Variants in ARHGAP29 observed in about 807,000 individuals in gnomAD.
ARHGAP29 encodes Rho GTPase activating protein 29, also known as rho GTPase-activating protein 29.
ARHGAP29 carries 43 observed loss-of-function variants against 122.6 expected under a neutral mutation model. The ratio of observed to expected loss-of-function variants is 0.35; its 90% CI spans 0.27 to 0.45. The LOEUF is 0.45. ARHGAP29 is among the 20% of genes least tolerant of loss of function. The pLI, the probability that ARHGAP29 is intolerant of heterozygous loss-of-function variation, is 1.00. For missense variants in ARHGAP29, 1,303 were observed against 1,477.2 expected, an observed-to-expected ratio of 0.88 and a Z score of 1.93; for synonymous variants, 506 against 497.1, an observed-to-expected ratio of 1.02 and a Z score of -0.24.
the ARHGAP29 span, among the ~76,000 whole-genome samples, chr1:94,305,170 T>C: frequency 6.6e-5 from 10 of 152,186 alleles, no homozygotes; most frequent in Non-Finnish European, 8.8e-5. Context: ...GTCCCTCACC[T>C]CCAGCCCCTG....
At chr1:94,243,515 T>C (rs1653682999) in intron 1 of ARHGAP29, among the ~76,000 whole-genome samples, 1 of 151,978 alleles carries the variant, frequency 6.6e-6, no homozygotes, top group South Asian at 2.1e-4. Context: ...TGAAAACCCA[T>C]TTCAAAATGT....
In ARHGAP29 at chr1:94,205,149, G is replaced by A; in HGVS notation, c.609C>T (p.Asp203=). Residue 203 remains aspartate (D), a synonymous_variant, in exon 7 of 23, where the codon GAC becomes GAT. Coordinates refer to ENST00000260526, the MANE Select transcript of ARHGAP29 (RefSeq NM_004815.4). The stretch of plus-strand genomic sequence containing the variant: ...CATATGACAAAGCCAGCTCGATAGA[G>A]TCAGTGTTCTTTAACAGCACGTTGT... ...ELDNVLLKNT[D]SIELALSYAK... is the part of the protein sequence containing the mutation. The A allele has an allele frequency of 1.2e-6, 2 of 1,608,062 alleles. No individual in the cohort carries two copies. Among genetic ancestry groups the A allele is most frequent in the South Asian group, 1.1e-5 (1 of 89,688 alleles).
chr1:94,281,098 A>G, the ARHGAP29 span, among the ~76,000 whole-genome samples: 1 of 152,226 alleles, frequency 6.6e-6, no homozygotes, highest in African/African-American at 2.4e-5. Flanking sequence ...TATTAGATAT[A>G]GAAATGGTCA....
At position 94,177,630 on chromosome 1, in the gene ARHGAP29, A is replaced by G. The variant is rs775205311; in HGVS notation, c.2887T>C (p.Cys963Arg). The part of the protein sequence containing the change: ...SERKQNALGK[C>R]DACLSDKAQL... ...TACTCACCACTGAGACATGCATCAC[A>G]TTTTCCTAACGCATTTTGCTTGCGT... is the stretch of plus-strand genomic sequence containing the variant. Residue 963 changes from cysteine (C) to arginine (R), a missense_variant, in exon 22 of 23, where the codon TGT (cysteine) becomes CGT (arginine). By Grantham distance (180) the Cys-to-Arg change is radical. This residue lies in a region of ARHGAP29 where 620 missense variants were observed against 651.2 expected (regional missense o/e 0.95). Transcript: ENST00000260526. 4.2e-5 allele frequency: 67 copies of G among 1,611,182 alleles called. No individual in the cohort carries two copies. Among genetic ancestry groups the G allele is most frequent in the Non-Finnish European group, 5.3e-5 (63 of 1,179,118 alleles).
chr1:94,263,045 A>C (rs1617680), intron 1 of ARHGAP29, among the ~76,000 whole-genome samples: 151,848 of 152,288 alleles, frequency 1, 75,709 homozygotes, highest in Middle Eastern at 1. Flanking sequence ...ACATATATAC[A>C]AGGAATATTA....
intron 12 of ARHGAP29, 129 bp from the exon 13 acceptor site, chr1:94,190,212 T>A: frequency 1.1e-6 from 1 of 915,304 alleles, no homozygotes; most frequent in East Asian, 2.7e-5. Context: ...AATATCACTC[T>A]GAACATACTA....
At chr1:94,218,207 T>A (rs1394693811) in intron 3 of ARHGAP29, among the ~76,000 whole-genome samples, 2 of 152,054 alleles carry the variant, frequency 1.3e-5, no homozygotes, top group African/African-American at 4.8e-5. Context: ...TTATAAACCA[T>A]ATAAACTTAA....
intron 12 of ARHGAP29, chr1:94,194,109 TAA>T (rs947437013): frequency 6.6e-6 from 1 of 152,206 alleles, no homozygotes; most frequent in Admixed American, 6.5e-5. Flanking sequence ...TAAATATAGA[TAA>T]GTGTGCAACC....
the ARHGAP29 span, among the ~76,000 whole-genome samples, chr1:94,304,947 T>C: frequency 3.3e-5 from 5 of 152,232 alleles, no homozygotes; most frequent in African/African-American, 1.2e-4. Context: ...GGTAGATGTC[T>C]CTTGCTGATT....
chr1:94,293,315 C>G, the ARHGAP29 span, among the ~76,000 whole-genome samples: 1 of 152,200 alleles, frequency 6.6e-6, no homozygotes, highest in Non-Finnish European at 1.5e-5. Flanking sequence ...CCTGGTCTGC[C>G]GGTTGCAAAG....
intron 1 of ARHGAP29, among the ~76,000 whole-genome samples, chr1:94,254,034 A>G (rs1654225024): frequency 6.6e-6 from 1 of 152,254 alleles, no homozygotes; most frequent in South Asian, 2.1e-4. Flanking sequence ...ACCTGGATTT[A>G]AATGATTTTA....
Position 94,189,984 on chromosome 1 carries a change from G to C in ARHGAP29, c.1381C>G (p.Gln461Glu), listed in dbSNP as rs371413908. The C allele has an allele frequency of 7.4e-6, 12 of 1,613,232 alleles. No homozygotes were observed. The highest frequency in any genetic ancestry group is 1.0e-5 in the Non-Finnish European group (12 of 1,179,614). ...GCCTTGACAAATTCACTGTACTCTTGGCCTGGGTCATAGAGTTTGGCACTA... is the reference window on the plus strand; with the variant it reads ...GCCTTGACAAATTCACTGTACTCTTCGCCTGGGTCATAGAGTTTGGCACTA... ...CDSAKLYDPG[Q>E]EYSEFVKATN... The change falls in exon 13 of 23, where the codon CAA becomes GAA. Residue 461 changes from glutamine to glutamate, a missense_variant. Coordinates refer to ENST00000260526, the MANE Select transcript of ARHGAP29 (RefSeq NM_004815.4).
intron 5 of ARHGAP29, among the ~76,000 whole-genome samples, chr1:94,206,568 A>G (rs1452481611): frequency 1.3e-5 from 2 of 152,214 alleles, no homozygotes; most frequent in African/African-American, 4.8e-5. Flanking sequence ...ATGTAGGCCT[A>G]GCGCAAGGCA....
At chr1:94,196,256 C>CTTTTT (rs917635883) in intron 12 of ARHGAP29, among the ~76,000 whole-genome samples, 45 of 91,142 alleles carry the variant, frequency 4.9e-4, no homozygotes, top group Admixed American at 9.3e-4. Context: ...CCGTGTTTTT[C>CTTTTT]TTTTTTTTTT....
upstream of ARHGAP29, among the ~76,000 whole-genome samples, chr1:94,279,827 C>A (rs116206428): frequency 6.3e-3 from 952 of 152,254 alleles, 12 homozygotes; most frequent in African/African-American, 0.022. Context: ...CAAAGTCTTT[C>A]TATTCATTCT....
rs183165673 is a variant in ARHGAP29, at chr1:94,261,441, C to T, written c.-33+13571G>A. Among the ~76,000 whole-genome samples, 10 of 152,194 alleles carry T rather than the reference C, an allele frequency of 6.6e-5. No individual in the cohort carries two copies. The East Asian group carries it at 1.2e-3, about 18-fold the overall frequency. ...TAGCTACATCTCAACAAAATTAAGA[C>T]GATTTTGTAGTTTAGAAGTAAGGTT... is the stretch of plus-strand genomic sequence containing the variant. On this transcript the variant is annotated intron_variant and NMD_transcript_variant, in intron 1 of 25. Coordinates refer to the ARHGAP29 transcript ENST00000552844.
chr1:94,236,533 A>T (rs1417309569), intron 1 of ARHGAP29, among the ~76,000 whole-genome samples: 1 of 152,214 alleles, frequency 6.6e-6, no homozygotes, highest in African/African-American at 2.4e-5. Flanking sequence ...AGCTCCTGCC[A>T]TTAGCAGGTA....
intron 12 of ARHGAP29, among the ~76,000 whole-genome samples, chr1:94,200,960 A>C (rs377383157): frequency 3.3e-5 from 5 of 152,218 alleles, no homozygotes; most frequent in African/African-American, 1.2e-4. Flanking sequence ...TGATTGTGGC[A>C]GTACTTACAC....
rs113626475 is a variant in ARHGAP29, at chr1:94,183,430, T to C, written c.2247+721A>G. Among the ~76,000 whole-genome samples, 298 of 152,248 alleles carry C rather than the reference T, an allele frequency of 2.0e-3. 1 individual carries two copies. The highest frequency in any genetic ancestry group is 6.9e-3 in the African/African-American group (287 of 41,554). ...CTGCTGCTTGATGCTACTAGAGCCA[T>C]TTATTTCATCCCACTGAGTAGGTCT... is the stretch of plus-strand genomic sequence containing the variant. On this transcript the variant is annotated intron_variant, in intron 19 of 22. Coordinates refer to ENST00000260526, the MANE Select transcript of ARHGAP29 (RefSeq NM_004815.4).
Sources: gnomAD v4.1 joint callset for allele counts (sites outside exome capture counted in the v4.1 genomes callset) on GRCh38, gnomAD v4.1.1 for gene constraint, gnomAD v4.1.1 regional missense constraint, MANE v1.5 for transcripts, NCBI Gene and HGNC (gene_info 2026-07-23, HGNC 2026-07-21) for gene names.